TAX1BP1: variants seen among roughly 807,000 people sequenced by gnomAD.
The protein encoded by TAX1BP1 is tax1-binding protein 1.
TAX1BP1 carries 62 observed loss-of-function variants against 97.7 expected under a neutral mutation model. That is an observed-to-expected ratio of 0.63 (90% confidence interval 0.52 to 0.78). The LOEUF (loss-of-function observed/expected upper bound fraction) is 0.78. TAX1BP1 is among the 30% of genes least tolerant of loss of function. The pLI, the probability that TAX1BP1 is intolerant of heterozygous loss-of-function variation, is 0.00. For missense variants in TAX1BP1, 867 were observed against 916.1 expected, an observed-to-expected ratio of 0.95 and a Z score of 0.69; for synonymous variants, 340 against 304.2, an observed-to-expected ratio of 1.12 and a Z score of -1.23.
chr7:27,754,404 TTTATAA>T (rs923778093), intron 2 of TAX1BP1, among the ~76,000 whole-genome samples: 1 of 148,260 alleles, frequency 6.7e-6, no homozygotes, highest in Admixed American at 6.7e-5. Flanking sequence ...TATATAAATA[TTTATAA>T]TTATACTTAT....
intron 1 of TAX1BP1, among the ~76,000 whole-genome samples, chr7:27,743,755 T>C (rs1787705942): frequency 6.7e-6 from 1 of 149,676 alleles, no homozygotes; most frequent in Non-Finnish European, 1.5e-5. Context: ...TTACAGTTAG[T>C]TTAGTATCTT....
chr7:27,764,416 T>G (rs966277255), intron 3 of TAX1BP1, among the ~76,000 whole-genome samples: 1 of 152,220 alleles, frequency 6.6e-6, no homozygotes, highest in Non-Finnish European at 1.5e-5. Context: ...TAGATTGAAG[T>G]TATGCATTTT....
intron 8 of TAX1BP1, among the ~76,000 whole-genome samples, chr7:27,788,180 C>T (rs1377355648): frequency 6.6e-6 from 1 of 152,012 alleles, no homozygotes; most frequent in African/African-American, 2.4e-5. Flanking sequence ...TCTGTTGTTT[C>T]TCATGACTAG....
intron 12 of TAX1BP1, among the ~76,000 whole-genome samples, chr7:27,797,936 T>C (rs1477776073): frequency 1.3e-5 from 2 of 151,846 alleles, no homozygotes; most frequent in Admixed American, 6.6e-5. Flanking sequence ...AGTTTTGACA[T>C]ACACAGTTGT....
intron 1 of TAX1BP1, among the ~76,000 whole-genome samples, chr7:27,745,352 G>C (rs1268714030): frequency 6.6e-6 from 1 of 152,188 alleles, no homozygotes; most frequent in Non-Finnish European, 1.5e-5. Flanking sequence ...ATTTTTGTAA[G>C]CTTGCCTAAG....
At chr7:27,745,321 A>G (rs1787778071) in intron 1 of TAX1BP1, among the ~76,000 whole-genome samples, 1 of 152,230 alleles carries the variant, frequency 6.6e-6, no homozygotes, top group Admixed American at 6.5e-5. Context: ...TGCGACCTTG[A>G]CATTCTCAGT....
intron 12 of TAX1BP1, 29 bp downstream of exon 12, chr7:27,796,248 G>C (rs746266951): frequency 6.8e-7 from 1 of 1,475,384 alleles, no homozygotes; most frequent in South Asian, 1.3e-5. Flanking sequence ...AAGTGAAAGA[G>C]ATTTATAAAA....
intron 15 of TAX1BP1, among the ~76,000 whole-genome samples, chr7:27,826,985 G>C (rs1791198561): frequency 6.6e-6 from 1 of 152,188 alleles, no homozygotes; most frequent in Non-Finnish European, 1.5e-5. Flanking sequence ...TCTTGTCAGA[G>C]AGACTGTCTT....
At position 27,827,766 on chromosome 7, in the gene TAX1BP1, ATCC is replaced by A; in HGVS notation, c.2118_2120del (p.Pro707del). On this transcript the variant is annotated inframe_deletion, in exon 16 of 17. Transcript: ENST00000396319. ...GATGAGAATGTGCCTACTGCTCCTG[ATCC>A]TCCAAGTCAACATTTACGTGGGCAT... is the stretch of plus-strand genomic sequence containing the variant. 6.2e-7 allele frequency: 1 copy of A among 1,613,864 alleles called. No homozygotes were observed.
At chr7:27,749,307 C>G (rs919515962) in intron 2 of TAX1BP1, among the ~76,000 whole-genome samples, 1 of 152,200 alleles carries the variant, frequency 6.6e-6, no homozygotes, top group African/African-American at 2.4e-5. Context: ...GCAATTTTAA[C>G]TCTTCAAAAT....
chr7:27,810,207 CTTT>C (rs61226834), intron 13 of TAX1BP1, among the ~76,000 whole-genome samples: 2 of 143,330 alleles, frequency 1.4e-5, no homozygotes. Context: ...ACGCACAGCC[CTTT>C]TTTTTTTTTT....
intron 3 of TAX1BP1, among the ~76,000 whole-genome samples, chr7:27,759,338 A>G (rs1408637241): frequency 6.6e-6 from 1 of 152,220 alleles, no homozygotes; most frequent in Non-Finnish European, 1.5e-5. Flanking sequence ...CAAGTAAGAT[A>G]ACATTGAGAT....
At chr7:27,808,914 G>A (rs1217792700) in intron 13 of TAX1BP1, among the ~76,000 whole-genome samples, 1 of 152,090 alleles carries the variant, frequency 6.6e-6, no homozygotes, top group Non-Finnish European at 1.5e-5. Context: ...GGTCCCCCAG[G>A]GATTCTTGAC....
intron 3 of TAX1BP1, among the ~76,000 whole-genome samples, chr7:27,761,038 A>G (rs1174621825): frequency 2.6e-5 from 4 of 152,208 alleles, no homozygotes; most frequent in Non-Finnish European, 4.4e-5. Flanking sequence ...TCTAATTGAT[A>G]TGGTCTTATC....
chr7:27,775,883 C>T (rs1247530798), intron 5 of TAX1BP1, among the ~76,000 whole-genome samples: 1 of 152,096 alleles, frequency 6.6e-6, no homozygotes, highest in African/African-American at 2.4e-5. Context: ...TTTGTTCTTG[C>T]TTTTCCCACT....
chr7:27,790,619 C>A (rs1250913545), intron 8 of TAX1BP1, among the ~76,000 whole-genome samples: 1 of 151,722 alleles, frequency 6.6e-6, no homozygotes, highest in Non-Finnish European at 1.5e-5. Flanking sequence ...AATGATTTTT[C>A]ATTATTTTAG....
Position 27,791,996 on chromosome 7 carries a change from CT to C in TAX1BP1, c.1039-7del, listed in dbSNP as rs778130191. ...GTTGAATTACAAATATATTTATCTG[CT>C]TTCTTCAGGAAGATACTTGTTTTTT... is the stretch of plus-strand genomic sequence containing the variant. On this transcript the variant is annotated splice_polypyrimidine_tract_variant and intron_variant, in intron 8 of 16. Transcript: ENST00000396319. 1.3e-5 allele frequency: 21 copies of C among 1,611,350 alleles called. No individual in the cohort carries two copies. Among genetic ancestry groups the C allele is most frequent in the Non-Finnish European group, 1.7e-5 (20 of 1,178,036 alleles).
intron 2 of TAX1BP1, among the ~76,000 whole-genome samples, chr7:27,753,098 G>C (rs983087189): frequency 6.6e-6 from 1 of 152,162 alleles, no homozygotes; most frequent in African/African-American, 2.4e-5. Context: ...TCAGGAGTTT[G>C]AGACCAGTCT....
intron 5 of TAX1BP1, among the ~76,000 whole-genome samples, 192 bp from the exon 6 acceptor site, chr7:27,784,971 C>T (rs1349184104): frequency 2.0e-5 from 3 of 151,932 alleles, no homozygotes; most frequent in African/African-American, 4.8e-5. Context: ...AACAAATTAT[C>T]GATTAATTTA....
Sources: allele counts gnomAD v4.1 joint callset (sites outside exome capture counted in the v4.1 genomes callset), GRCh38; gene constraint gnomAD v4.1.1; transcripts MANE v1.5; gene names NCBI Gene and HGNC (gene_info 2026-07-23, HGNC 2026-07-21).